Variants in MRPL48 observed in about 807,000 individuals in gnomAD.
MRPL48 encodes the protein large ribosomal subunit protein mL48.
MRPL48 carries 16 observed loss-of-function variants against 32.9 expected under a neutral mutation model. The observed-to-expected ratio is 0.49, with a 90% CI of 0.33 to 0.74. The LOEUF (loss-of-function observed/expected upper bound fraction) is 0.74. MRPL48 is among the 30% of genes least tolerant of loss of function. MRPL48 has a pLI of 0.02. For synonymous variants in MRPL48, 94 were observed against 89.2 expected (o/e 1.05, Z -0.31); for missense variants, 206 against 245.3 (o/e 0.84, Z 1.07).
chr11:73,790,211 A>G (rs113875642), intron 1 of MRPL48, among the ~76,000 whole-genome samples: 21,274 of 143,906 alleles, frequency 0.15, 1,542 homozygotes, highest in African/African-American at 0.17. Flanking sequence ...CTGGGACTAC[A>G]GGTGCCCACC....
intron 3 of MRPL48, among the ~76,000 whole-genome samples, chr11:73,809,153 A>T (rs558839024): frequency 2.5e-4 from 38 of 151,804 alleles, no homozygotes; most frequent in East Asian, 1.7e-3. Context: ...AAAAAAATTT[A>T]AAAAAAAGAG....
Position 73,825,733 on chromosome 11 carries a change from G to T in MRPL48, c.138G>T (p.Arg46=). Reference sequence around the variant, plus strand: ...GTGGAATTCTACTAAGTATCAGTCGGCCCTACAAGACAAAGCCCACCCACG... The same window carrying T: ...GTGGAATTCTACTAAGTATCAGTCGTCCCTACAAGACAAAGCCCACCCACG... ...SVGGILLSIS[R]PYKTKPTHGI... is the part of the protein sequence containing the mutation. Residue 46 remains arginine, a synonymous_variant, in exon 4 of 8, where the codon CGG becomes CGT. Transcript: ENST00000310614. The T allele has an allele frequency of 1.3e-6, 2 of 1,567,006 alleles. No individual in the cohort carries two copies. The highest frequency in any genetic ancestry group is 4.7e-5 in the East Asian group (2 of 42,226).
intron 3 of MRPL48, among the ~76,000 whole-genome samples, chr11:73,814,627 G>A (rs991524552): frequency 6.6e-6 from 1 of 151,870 alleles, no homozygotes; most frequent in African/African-American, 2.4e-5. Context: ...CCTGGGAGGC[G>A]GAGGTTGCAG....
intron 4 of MRPL48, among the ~76,000 whole-genome samples, chr11:73,828,770 TA>T (rs980351263): frequency 6.6e-6 from 1 of 151,604 alleles, no homozygotes; most frequent in East Asian, 1.9e-4. Context: ...TTTTTTTTTT[TA>T]AATACTAAGC....
intron 3 of MRPL48, chr11:73,822,898 C>G (rs963002864): frequency 2.5e-5 from 10 of 397,600 alleles, no homozygotes; most frequent in Non-Finnish European, 5.0e-5. Context: ...GCGTTAGATT[C>G]TCATAGGAGC....
chr11:73,817,020 C>A (rs996457548), intron 3 of MRPL48, among the ~76,000 whole-genome samples: 14 of 151,426 alleles, frequency 9.2e-5, no homozygotes, highest in African/African-American at 3.4e-4. Flanking sequence ...TTAATAGAGA[C>A]GGGGTTTCAC....
intron 4 of MRPL48, among the ~76,000 whole-genome samples, chr11:73,839,545 T>A (rs1948155620): frequency 6.6e-6 from 1 of 152,144 alleles, no homozygotes; most frequent in African/African-American, 2.4e-5. Context: ...TGTAAAGTAG[T>A]GTGGCTGGGT....
chr11:73,854,049 T>C (rs1032213155), intron 5 of MRPL48, among the ~76,000 whole-genome samples: 3 of 152,212 alleles, frequency 2.0e-5, no homozygotes, highest in Admixed American at 6.5e-5. Context: ...AGAATGTTAC[T>C]ATCATACCTA....
chr11:73,846,664 CT>C (rs111867247), intron 5 of MRPL48, among the ~76,000 whole-genome samples: 20,473 of 143,954 alleles, frequency 0.14, 1,591 homozygotes, highest in African/African-American at 0.22. Context: ...CACCTCCTTT[CT>C]TTTTTTTTTT....
intron 5 of MRPL48, chr11:73,850,468 A>T: frequency 3.0e-6 from 1 of 330,658 alleles, no homozygotes; most frequent in Non-Finnish European, 5.8e-6. Context: ...TTCTTTATTC[A>T]TTCTTTGGAG....
At chr11:73,862,859 C>T (rs749015006) in intron 6 of MRPL48, among the ~76,000 whole-genome samples, 5 of 152,122 alleles carry the variant, frequency 3.3e-5, no homozygotes, top group East Asian at 1.9e-4. Context: ...TTCAAGGTTG[C>T]GGTGAGCTAT....
At chr11:73,818,101 T>C (rs1268044303) in intron 3 of MRPL48, among the ~76,000 whole-genome samples, 2 of 152,114 alleles carry the variant, frequency 1.3e-5, no homozygotes, top group African/African-American at 4.8e-5. Context: ...TGTCAGTCAC[T>C]GCCCCCAGAC....
intron 3 of MRPL48, among the ~76,000 whole-genome samples, chr11:73,820,920 A>G (rs893284614): frequency 6.6e-6 from 1 of 152,084 alleles, no homozygotes; most frequent in African/African-American, 2.4e-5. Context: ...CTGATGTTCT[A>G]TTCCAAAAAT....
At chr11:73,814,854 C>G (rs901186575) in intron 3 of MRPL48, among the ~76,000 whole-genome samples, 1 of 149,978 alleles carries the variant, frequency 6.7e-6, no homozygotes, top group Non-Finnish European at 1.5e-5. Flanking sequence ...ATTAGCCAGG[C>G]GTGGTGGTCA....
chr11:73,821,794 A>G (rs956103455), intron 3 of MRPL48, among the ~76,000 whole-genome samples: 1 of 152,184 alleles, frequency 6.6e-6, no homozygotes, highest in Non-Finnish European at 1.5e-5. Flanking sequence ...GTACCTATCA[A>G]GCCTGCCATG....
chr11:73,851,553 C>G (rs56006060), intron 5 of MRPL48, among the ~76,000 whole-genome samples: 12,173 of 152,196 alleles, frequency 0.08, 629 homozygotes, highest in East Asian at 0.18. Context: ...GAGTTGGTTC[C>G]TCTTTCAGCA....
At chr11:73,800,141 G>A (rs1947331217) in intron 1 of MRPL48, among the ~76,000 whole-genome samples, 1 of 151,926 alleles carries the variant, frequency 6.6e-6, no homozygotes, top group Non-Finnish European at 1.5e-5. Flanking sequence ...AGGCCTGGTG[G>A]CTCACTCCTG....
At chr11:73,860,095 TC>T (rs1489916446) in intron 6 of MRPL48, 86 bp downstream of exon 6, 1 of 1,129,828 alleles carries the variant, frequency 8.9e-7, no homozygotes, top group African/African-American at 1.6e-5. Flanking sequence ...TATGCTCTTT[TC>T]TTTTCTTTCT....
At chr11:73,795,159 G>A (rs946559730) in intron 1 of MRPL48, among the ~76,000 whole-genome samples, 6 of 151,908 alleles carry the variant, frequency 3.9e-5, no homozygotes, top group African/African-American at 7.2e-5. Flanking sequence ...CAGCCAGTCC[G>A]CCCGCCTCGG....
Sources: allele counts gnomAD v4.1 joint callset (sites outside exome capture counted in the v4.1 genomes callset), GRCh38; gene constraint gnomAD v4.1.1; transcripts MANE v1.5; gene names NCBI Gene and HGNC (gene_info 2026-07-23, HGNC 2026-07-21).